GAPVD1: variants seen among roughly 807,000 people sequenced by gnomAD.
GAPVD1 encodes the protein GTPase-activating protein and VPS9 domain-containing protein 1.
In GAPVD1, 35 loss-of-function variants were observed where a neutral mutation model predicts 155.5. The ratio of observed to expected loss-of-function variants is 0.23; its 90% CI spans 0.17 to 0.30. The LOEUF is 0.30. Among genes scored for constraint, GAPVD1 ranks in the 10% least tolerant of loss-of-function variants. The pLI is 1.00. For missense variants in GAPVD1, 1,429 were observed against 1,775.7 expected, an observed-to-expected ratio of 0.80 and a Z score of 3.51; for synonymous variants, 636 against 619.7, an observed-to-expected ratio of 1.03 and a Z score of -0.39.
chr9:125,321,647 T>G, intron 10 of GAPVD1, 85 bp downstream of exon 10: 1 of 1,241,372 alleles, frequency 8.1e-7, no homozygotes, highest in South Asian at 1.3e-5. Context: ...AAATTATAAT[T>G]ATACCATCTG....
intron 2 of GAPVD1, among the ~76,000 whole-genome samples, chr9:125,280,671 G>A (rs571435989): frequency 6.6e-6 from 1 of 151,370 alleles, no homozygotes; most frequent in Admixed American, 6.6e-5. Flanking sequence ...CGCCTCCTGG[G>A]TTCACGCCAT....
Position 125,346,844 on chromosome 9 carries a change from A to T in GAPVD1, c.3072A>T (p.Ala1024=). ...ATGATCCCAGCCCTAGACTCAGTGC[A>T]CAAGCTCAGGTGGCTGAGGATATTC... ...LTDDPSPRLS[A]QAQVAEDILD... Residue 1024 remains alanine (A), a synonymous_variant, in exon 20 of 28, where the codon GCA becomes GCT. Coordinates refer to ENST00000297933, the MANE Select transcript of GAPVD1 (RefSeq NM_001282680.3). The T allele has an allele frequency of 6.2e-7, 1 of 1,614,128 alleles. No homozygotes were observed. Among genetic ancestry groups the T allele is most frequent in the Non-Finnish European group, 8.5e-7 (1 of 1,179,964 alleles).
At chr9:125,312,312 G>GT (rs1842777616) in intron 8 of GAPVD1, 140 bp from the exon 9 acceptor site, 1 of 581,206 alleles carries the variant, frequency 1.7e-6, no homozygotes, top group Non-Finnish European at 2.9e-6. Flanking sequence ...GTTTTGTTTT[G>GT]TTTTTTCTTA....
At position 125,337,401 on chromosome 9, in the gene GAPVD1, G is replaced by T; in HGVS notation, c.2687G>T (p.Arg896Ile). 5 of 1,614,116 alleles carry T rather than the reference G, an allele frequency of 3.1e-6. No individual in the cohort carries two copies. The highest frequency in any genetic ancestry group is 4.2e-6 in the Non-Finnish European group (5 of 1,179,964). ...AFKQRHSYPE[R>I]LVRSRSSDIV... ...AAGCAAAGGCATTCTTACCCTGAGA[G>T]ACTAGTTCGAAGCAGGAGCTCTGAT... is the stretch of plus-strand genomic sequence containing the variant. The change falls in exon 17 of 28, where the codon AGA becomes ATA. Residue 896 changes from arginine to isoleucine, a missense_variant. Coordinates refer to ENST00000297933, the MANE Select transcript of GAPVD1 (RefSeq NM_001282680.3).
rs1472247850 is a variant in GAPVD1, at chr9:125,355,990, C to T, written c.3971+133C>T. 4.7e-6 allele frequency: 3 copies of T among 632,972 alleles called. No homozygotes were observed. In the African/African-American group the frequency reaches 5.5e-5, roughly 12 times the overall value. 39.2% of individuals were successfully genotyped at this position (632,972 alleles called of 1,614,324 possible). A position where few individuals can be genotyped will look rare whatever the true frequency, so the allele number is the denominator to read the frequency against. On this transcript the variant is annotated intron_variant, in intron 25 of 27. Transcript: ENST00000297933. ...AAATTCATTGGTTACCATTTTTCAC[C>T]TGTCAGAGTTACATGATCACAAAGA...
chr9:125,278,954 G>A (rs1297051186), intron 2 of GAPVD1, among the ~76,000 whole-genome samples: 1 of 152,162 alleles, frequency 6.6e-6, no homozygotes, highest in East Asian at 1.9e-4. Context: ...ACTCATGCCT[G>A]TAATCCTAGC....
chr9:125,310,914 A>G (rs1842590300), intron 8 of GAPVD1, among the ~76,000 whole-genome samples: 1 of 149,774 alleles, frequency 6.7e-6, no homozygotes, highest in South Asian at 2.1e-4. Context: ...ATCTCGGCTC[A>G]CTGCAACCTC....
chr9:125,291,067 AC>A (rs1458072826), intron 2 of GAPVD1, among the ~76,000 whole-genome samples: 2 of 151,950 alleles, frequency 1.3e-5, no homozygotes, highest in East Asian at 3.9e-4. Context: ...CAAGAGGCTC[AC>A]TTGAGCCCAG....
intron 2 of GAPVD1, among the ~76,000 whole-genome samples, chr9:125,291,369 T>G (rs980712721): frequency 6.6e-6 from 1 of 152,142 alleles, no homozygotes; most frequent in African/African-American, 2.4e-5. Context: ...AACATTTGAT[T>G]TAACTGGGAT....
At chr9:125,329,612 G>A (rs967781330) in intron 12 of GAPVD1, among the ~76,000 whole-genome samples, 1 of 149,498 alleles carries the variant, frequency 6.7e-6, no homozygotes, top group Non-Finnish European at 1.5e-5. Flanking sequence ...CCTCTTTCTT[G>A]TAGGTAGAGA....
At position 125,300,041 on chromosome 9, in the gene GAPVD1, ATATATAT is replaced by A. The variant is rs1840589575; in HGVS notation, c.185+936_185+942del. On this transcript the variant is annotated intron_variant, in intron 4 of 27. Transcript: ENST00000297933. ...CTCAAAAGAAAAAAAAAAAAAAAAT[ATATATAT>A]ATATATATATATATATATATATATA... 1.0e-2 allele frequency among the ~76,000 whole-genome samples: 135 copies of A among 13,554 alleles called. 31 individuals are homozygous for A. Among genetic ancestry groups the A allele is most frequent in the Non-Finnish European group, 0.013 (88 of 6,876 alleles). The allele number at this position is 13,554 out of a possible 152,430, so 8.9% of individuals were successfully genotyped here.
chr9:125,350,818 GT>G lies in GAPVD1; in HGVS notation c.3519del (p.Phe1173LeufsTer64). The G allele has an allele frequency of 6.2e-7, 1 of 1,613,630 alleles. No homozygotes were observed. The highest frequency in any genetic ancestry group is 8.5e-7 in the Non-Finnish European group (1 of 1,179,578). ...QLQETMRCVCRFDNRTCRKLL... is the reference protein window; with the variant it reads ...QLQETMRCVCXFDNRTCRKLL... ...CAAGAAACAATGCGCTGTGTGTGCC[GT>G]TTTGATAATAGGACTTGTAGGAAAC... On this transcript the variant is annotated frameshift_variant, in exon 23 of 28. Coordinates refer to ENST00000297933, the MANE Select transcript of GAPVD1 (RefSeq NM_001282680.3). LOFTEE classifies it high-confidence loss of function.
chr9:125,281,549 A>G (rs1469333344), intron 2 of GAPVD1, among the ~76,000 whole-genome samples: 1 of 152,200 alleles, frequency 6.6e-6, no homozygotes, highest in African/African-American at 2.4e-5. Context: ...AACATCTTAT[A>G]TTAGCATAGT....
At chr9:125,293,686 T>TTATATATATAATATAAAAATA (rs1431486181) in intron 2 of GAPVD1, among the ~76,000 whole-genome samples, 1 of 127,738 alleles carries the variant, frequency 7.8e-6, no homozygotes, top group African/African-American at 2.9e-5. Context: ...AATATATATA[T>TTATATATATAATATAAAAATA]TATATATTTA....
rs190308068 is a variant in GAPVD1, at chr9:125,317,192, C to T, written c.1603-4241C>T. 2.9e-3 allele frequency among the ~76,000 whole-genome samples: 445 copies of T among 151,920 alleles called. 3 individuals are homozygous for T. The highest frequency in any genetic ancestry group is 0.01 in the African/African-American group (417 of 41,420). Reference sequence around the variant, plus strand: ...AATTAGCCAGGCGTGGTGGTGTGCACCTGTAATATCAGCTACTCAGGAGGC... The same window carrying T: ...AATTAGCCAGGCGTGGTGGTGTGCATCTGTAATATCAGCTACTCAGGAGGC... On this transcript the variant is annotated intron_variant, in intron 9 of 27. Transcript: ENST00000297933.
intron 2 of GAPVD1, among the ~76,000 whole-genome samples, chr9:125,283,028 T>TTTCA (rs1554753040): frequency 7.0e-6 from 1 of 143,324 alleles, no homozygotes; most frequent in Non-Finnish European, 1.5e-5. Context: ...TTATTTTTAT[T>TTTCA]TTTATTTATT....
At chr9:125,274,270 G>A (rs113183309) in intron 2 of GAPVD1, among the ~76,000 whole-genome samples, 3 of 151,764 alleles carry the variant, frequency 2.0e-5, no homozygotes, top group African/African-American at 7.3e-5. Flanking sequence ...TGCCGGCCTC[G>A]GCCTCTCAAA....
At chr9:125,293,886 A>AT (rs1479202971) in intron 2 of GAPVD1, among the ~76,000 whole-genome samples, 5 of 98,250 alleles carry the variant, frequency 5.1e-5, no homozygotes, top group East Asian at 7.6e-4. Flanking sequence ...ATATATATAT[A>AT]TATATATATA....
At position 125,310,843 on chromosome 9, in the gene GAPVD1, C is replaced by CT. The variant is rs879486917; in HGVS notation, c.1442-1595dup. On this transcript the variant is annotated intron_variant, in intron 8 of 27. Transcript: ENST00000297933. ...GTGAGCCACCGCGCCCAGCCTTCTT[C>CT]TTTTTTTTTTTTTTAGACGGAGTTT... is the stretch of plus-strand genomic sequence containing the variant. 7.6e-4 allele frequency among the ~76,000 whole-genome samples: 90 copies of CT among 119,016 alleles called. 1 individual carries two copies. Among genetic ancestry groups the CT allele is most frequent in the East Asian group, 1.5e-3 (6 of 4,106 alleles). The allele number at this position is 119,016 out of a possible 152,430, so 78.1% of individuals were successfully genotyped here.
Sources: gnomAD v4.1 joint callset for allele counts (sites outside exome capture counted in the v4.1 genomes callset) on GRCh38, gnomAD v4.1.1 for gene constraint, MANE v1.5 for transcripts, NCBI Gene and HGNC (gene_info 2026-07-23, HGNC 2026-07-21) for gene names.